TLR2: variants seen among roughly 807,000 people sequenced by gnomAD.
TLR2 encodes the protein toll-like receptor 2.
In TLR2, 7 loss-of-function variants were observed where a neutral mutation model predicts 9.1. That is an observed-to-expected ratio of 0.77 (90% CI 0.44 to 1.44). The LOEUF (loss-of-function observed/expected upper bound fraction) is 1.44, where lower values mean the gene tolerates loss of function less well. TLR2 is among the 40% of genes most tolerant of loss of function. TLR2 has a pLI of 0.01. For missense variants in TLR2, 812 were observed against 904.6 expected, an observed-to-expected ratio of 0.90 and a Z score of 1.31; for synonymous variants, 317 against 344.6, an observed-to-expected ratio of 0.92 and a Z score of 0.89.
intron 2 of TLR2, among the ~76,000 whole-genome samples, chr4:153,692,545 C>G (rs539039543): frequency 1.3e-5 from 2 of 152,266 alleles, no homozygotes; most frequent in East Asian, 1.9e-4. Flanking sequence ...ATATCCTAAA[C>G]CTTGGTGGGA....
intron 1 of TLR2, 58 bp downstream of exon 1, chr4:153,684,418 C>A (rs114788409): frequency 2.5e-4 from 38 of 152,404 alleles, no homozygotes; most frequent in African/African-American, 8.9e-4. Flanking sequence ...GGGGTCGGGT[C>A]GGGCAGGGGC....
At chr4:153,695,297 G>A (rs905435661) in intron 2 of TLR2, among the ~76,000 whole-genome samples, 2 of 152,202 alleles carry the variant, frequency 1.3e-5, no homozygotes, top group Non-Finnish European at 2.9e-5. Context: ...ACCAACAACA[G>A]TGTACAGGGT....
At chr4:153,700,842 A>G (rs368234906) in intron 2 of TLR2, among the ~76,000 whole-genome samples, 43 of 152,202 alleles carry the variant, frequency 2.8e-4, no homozygotes, top group African/African-American at 9.9e-4. Flanking sequence ...CTACCCCTAT[A>G]TGGGCATGTC....
Position 153,684,291 on chromosome 4 carries a change from G to C in TLR2, c.-232G>C, listed in dbSNP as rs1170722241. ...TCCTAGTCCCGGGCAGGCCGGCTCG[G>C]AGGCAGCGAGAAAGCGCAGCCAGGC... On this transcript the variant is annotated 5_prime_UTR_variant, in exon 1 of 3. Coordinates refer to ENST00000642700, the MANE Select transcript of TLR2 (RefSeq NM_001318789.2). 7.9e-5 allele frequency: 12 copies of C among 152,358 alleles called. No homozygotes were observed. The highest frequency in any genetic ancestry group is 7.8e-4 in the Admixed American group (12 of 15,296). 9.4% of individuals were successfully genotyped at this position (152,358 alleles called of 1,614,324 possible). A position where few individuals can be genotyped will look rare whatever the true frequency, so the allele number is the denominator to read the frequency against.
At chr4:153,707,106 A>G (rs1229088627), downstream of TLR2, among the ~76,000 whole-genome samples, 2 of 152,166 alleles carry the variant, frequency 1.3e-5, no homozygotes, top group African/African-American at 4.8e-5. Context: ...TGTTATGGAT[A>G]CTAGCAGGGA....
At position 153,704,605 on chromosome 4, in the gene TLR2, T is replaced by G; in HGVS notation, c.1698T>G (p.Ser566=). ...GGCCAGCAAATTACCTGTGTGACTC[T>G]CCATCCCATGTGCGTGGCCAGCAGG... ...IDWPANYLCD[S]PSHVRGQQVQ... is the part of the protein sequence containing the mutation. The change falls in exon 3 of 3, where the codon TCT becomes TCG. Residue 566 remains serine, a synonymous_variant. Transcript: ENST00000642700. The G allele has an allele frequency of 6.2e-7, 1 of 1,613,290 alleles. No individual in the cohort carries two copies. The highest frequency in any genetic ancestry group is 8.5e-7 in the Non-Finnish European group (1 of 1,179,948).
downstream of TLR2, among the ~76,000 whole-genome samples, chr4:153,708,556 G>T (rs1737403758): frequency 6.6e-6 from 1 of 152,150 alleles, no homozygotes; most frequent in African/African-American, 2.4e-5. Flanking sequence ...TGAAAAATCA[G>T]TTCGGTAGAC....
At chr4:153,692,184 G>C (rs530967319) in intron 2 of TLR2, among the ~76,000 whole-genome samples, 2 of 152,290 alleles carry the variant, frequency 1.3e-5, no homozygotes, top group South Asian at 4.1e-4. Flanking sequence ...GGATAGTAAA[G>C]AAACAGTCTT....
At chr4:153,687,144 T>G (rs1286529945) in intron 1 of TLR2, among the ~76,000 whole-genome samples, 1 of 152,068 alleles carries the variant, frequency 6.6e-6, no homozygotes, top group Non-Finnish European at 1.5e-5. Flanking sequence ...TGAAAAAAAT[T>G]ACATATAAAA....
In TLR2 at chr4:153,703,335, CTCT is replaced by C; in HGVS notation, c.430_432del (p.Leu144del). 2 of 1,613,850 alleles carry C rather than the reference CTCT, an allele frequency of 1.2e-6. No homozygotes were observed. The highest frequency in any genetic ancestry group is 1.3e-5 in the African/African-American group (1 of 75,020). On this transcript the variant is annotated inframe_deletion, in exon 3 of 3. Transcript: ENST00000642700. ...CCTTACAAAACCCTAGGGGAAACAT[CTCT>C]TTTTTCTCATCTCACAAAATTGCAA...
rs5743708 is a variant in TLR2 at position 153,705,165 on chromosome 4, G to A, written c.2258G>A (p.Arg753Gln). 40,325 of 1,614,052 alleles carry A rather than the reference G, an allele frequency of 0.025. 632 individuals are homozygous for A. Among genetic ancestry groups the A allele is most frequent in the Non-Finnish European group, 0.03 (35,879 of 1,179,988 alleles). The change falls in exon 3 of 3, where the codon CGG (arginine) becomes CAG (glutamine). Residue 753 changes from arginine to glutamine, a missense_variant. Transcript: ENST00000642700. ...KAIPQRFCKLRKIMNTKTYLE... is the reference protein window; with the variant it reads ...KAIPQRFCKLQKIMNTKTYLE... ...ATTCCCCAGCGCTTCTGCAAGCTGC[G>A]GAAGATAATGAACACCAAGACCTAC...
At chr4:153,684,873 C>T (rs1483209795) in intron 1 of TLR2, among the ~76,000 whole-genome samples, 1 of 152,238 alleles carries the variant, frequency 6.6e-6, no homozygotes, top group Non-Finnish European at 1.5e-5. Flanking sequence ...TCCCGCTTCC[C>T]TGATTCCCGG....
At chr4:153,700,336 G>A (rs979180254) in intron 2 of TLR2, among the ~76,000 whole-genome samples, 1 of 152,116 alleles carries the variant, frequency 6.6e-6, no homozygotes, top group African/African-American at 2.4e-5. Flanking sequence ...TATTTTAAAT[G>A]TTTTTAAAGT....
chr4:153,706,966 A>G (rs540739264), downstream of TLR2, among the ~76,000 whole-genome samples: 3 of 152,286 alleles, frequency 2.0e-5, no homozygotes, highest in South Asian at 2.1e-4. Flanking sequence ...ACCACGCCTA[A>G]GAGAATGGGC....
intron 1 of TLR2, among the ~76,000 whole-genome samples, chr4:153,686,902 A>G (rs746810601): frequency 6.6e-6 from 1 of 152,180 alleles, no homozygotes; most frequent in East Asian, 1.9e-4. Context: ...AGCTGAAATC[A>G]CAGAGCATAC....
chr4:153,684,743 G>T (rs56000463), intron 1 of TLR2, among the ~76,000 whole-genome samples: 2 of 151,790 alleles, frequency 1.3e-5, no homozygotes, highest in East Asian at 1.9e-4. Flanking sequence ...GCAGGCCCCG[G>T]GGGGGTTGCC....
Position 153,704,173 on chromosome 4 carries a change from G to A in TLR2, c.1266G>A (p.Lys422=), listed in dbSNP as rs1737147017. 1 of 1,613,914 alleles carries A rather than the reference G, an allele frequency of 6.2e-7. No individual in the cohort carries two copies. The highest frequency in any genetic ancestry group is 1.6e-4 in the Middle Eastern group (1 of 6,062). ...LKNLTNIDIS[K]NSFHSMPETC... ...ACTTGACTAACATTGATATCAGTAA[G>A]AATAGTTTTCATTCTATGCCTGAAA... Residue 422 remains lysine (K), a synonymous_variant, in exon 3 of 3, where the codon AAG becomes AAA. Coordinates refer to ENST00000642700, the MANE Select transcript of TLR2 (RefSeq NM_001318789.2).
chr4:153,704,090 A>T lies in TLR2; in HGVS notation c.1183A>T (p.Arg395Trp), dbSNP rs781164151. 2 of 1,614,122 alleles carry T rather than the reference A, an allele frequency of 1.2e-6. No homozygotes were observed. Among genetic ancestry groups the T allele is most frequent in the East Asian group, 4.5e-5 (2 of 44,874 alleles). ...GCCCTCTCTACAAACTTTAATTTTA[A>T]GGCAAAATCATTTGGCATCATTGGA... ...AWPSLQTLIL[R>W]QNHLASLEKT... The change falls in exon 3 of 3, where the codon AGG becomes TGG. Residue 395 changes from arginine to tryptophan, a missense_variant. Transcript: ENST00000642700.
Position 153,703,793 on chromosome 4 carries a change from A to G in TLR2, c.886A>G (p.Arg296Gly). The change falls in exon 3 of 3, where the codon AGA becomes GGA. Residue 296 changes from arginine to glycine, a missense_variant. Transcript: ENST00000642700. Reference protein sequence around the residue: ...DCTLNGVGNFRASDNDRVIDP... With the variant: ...DCTLNGVGNFGASDNDRVIDP... ...TACCCTTAATGGAGTTGGTAATTTT[A>G]GAGCATCTGATAATGACAGAGTTAT... The G allele has an allele frequency of 6.2e-7, 1 of 1,613,990 alleles. No homozygotes were observed. Among genetic ancestry groups the G allele is most frequent in the African/African-American group, 1.3e-5 (1 of 75,060 alleles).
Sources: gnomAD v4.1 joint callset for allele counts (sites outside exome capture counted in the v4.1 genomes callset) on GRCh38, gnomAD v4.1.1 for gene constraint, MANE v1.5 for transcripts, NCBI Gene and HGNC (gene_info 2026-07-23, HGNC 2026-07-21) for gene names.